FILIP1L: variants seen among roughly 807,000 people sequenced by gnomAD.
FILIP1L encodes the protein filamin A-interacting protein 1-like.
In FILIP1L, 55 loss-of-function variants were observed where a neutral mutation model predicts 96.6. The ratio of observed to expected loss-of-function variants is 0.57; its 90% CI spans 0.46 to 0.71. The LOEUF is 0.71. FILIP1L is among the 30% of genes least tolerant of loss of function. The pLI is 0.00. For synonymous variants in FILIP1L, 467 were observed against 473.9 expected, an observed-to-expected ratio of 0.99 and a Z score of 0.19; for missense variants, 1,304 against 1,321.2, an observed-to-expected ratio of 0.99 and a Z score of 0.20.
chr3:99,848,994 T>G lies in FILIP1L; in HGVS notation c.2682A>C (p.Leu894=). The part of the protein sequence containing the change: ...ANFVQPGDLV[L]SHTPGQPLHI... ...GAAGTGGCTGCCCAGGTGTGTGGCT[T>G]AGGACTAGATCTCCAGGTTGCACAA... The change falls in exon 5 of 6, where the codon CTA becomes CTC. Residue 894 remains leucine, a synonymous_variant. Coordinates refer to ENST00000477258, the MANE Select transcript of FILIP1L (RefSeq NM_001387850.1). 1 of 1,614,122 alleles carries G rather than the reference T, an allele frequency of 6.2e-7. No homozygotes were observed. The highest frequency in any genetic ancestry group is 8.5e-7 in the Non-Finnish European group (1 of 1,180,004).
intron 5 of FILIP1L, chr3:99,833,239 T>G: frequency 1.9e-6 from 3 of 1,612,486 alleles, no homozygotes; most frequent in Non-Finnish European, 2.5e-6. Flanking sequence ...TTGAGTTCAA[T>G]GAGGCAGAAG....
chr3:99,871,391 C>T (rs1313135673), intron 4 of FILIP1L, among the ~76,000 whole-genome samples: 3 of 152,196 alleles, frequency 2.0e-5, no homozygotes, highest in Non-Finnish European at 4.4e-5. Context: ...CCCAGCAACA[C>T]ACCTACTAAT....
chr3:99,970,892 G>A (rs1338698838), intron 1 of FILIP1L, among the ~76,000 whole-genome samples: 1 of 152,260 alleles, frequency 6.6e-6, no homozygotes, highest in Non-Finnish European at 1.5e-5. Context: ...AAGGGAAAAA[G>A]ACTAGAGGTG....
intron 4 of FILIP1L, among the ~76,000 whole-genome samples, chr3:99,923,377 A>G (rs1326185776): frequency 1.3e-5 from 2 of 152,094 alleles, no homozygotes; most frequent in African/African-American, 4.8e-5. Flanking sequence ...TCTCCTACCT[A>G]CTCACCAAGT....
intron 4 of FILIP1L, among the ~76,000 whole-genome samples, chr3:99,870,973 C>G (rs994324195): frequency 1.3e-5 from 2 of 152,140 alleles, no homozygotes; most frequent in East Asian, 1.9e-4. Flanking sequence ...TCCATGCCCC[C>G]GGGTGACTCA....
At chr3:99,940,128 C>G (rs1707809709) in intron 1 of FILIP1L, among the ~76,000 whole-genome samples, 1 of 152,114 alleles carries the variant, frequency 6.6e-6, no homozygotes, top group Non-Finnish European at 1.5e-5. Context: ...GTGATTTATC[C>G]AAGTTTTCCA....
At chr3:100,099,064 A>G (rs1030132096) in intron 1 of FILIP1L, among the ~76,000 whole-genome samples, 2 of 152,142 alleles carry the variant, frequency 1.3e-5, no homozygotes, top group Non-Finnish European at 2.9e-5. Context: ...ATTTCTACCA[A>G]TGATCATTTT....
In FILIP1L at chr3:99,880,233, C is replaced by A. The variant is rs568999583; in HGVS notation, c.606-29163G>T. Among the ~76,000 whole-genome samples the A allele has an allele frequency of 3.1e-3, 471 of 151,416 alleles. 4 individuals are homozygous for A. The highest frequency in any genetic ancestry group is 0.011 in the African/African-American group (445 of 41,502). On this transcript the variant is annotated intron_variant, in intron 4 of 5. Coordinates refer to ENST00000477258, the MANE Select transcript of FILIP1L (RefSeq NM_001387850.1). The stretch of plus-strand genomic sequence containing the variant: ...TAATCAACCTCATTTCTTCACTCTT[C>A]TTTCACTCTTCTTTCAGTTCTTTGG...
intron 1 of FILIP1L, among the ~76,000 whole-genome samples, chr3:99,966,721 G>C (rs1302751956): frequency 2.0e-5 from 3 of 152,210 alleles, no homozygotes; most frequent in Non-Finnish European, 4.4e-5. Context: ...TCTAATAAAT[G>C]TAGTGTGTCA....
intron 5 of FILIP1L, among the ~76,000 whole-genome samples, chr3:99,838,334 G>A (rs575357330): frequency 6.6e-6 from 1 of 152,306 alleles, no homozygotes; most frequent in South Asian, 2.1e-4. Flanking sequence ...GGAAGCAGGT[G>A]GAGTTGGAAG....
chr3:99,930,659 G>A (rs1707448690), intron 2 of FILIP1L, 110 bp downstream of exon 2: 2 of 1,176,332 alleles, frequency 1.7e-6, no homozygotes, highest in Non-Finnish European at 2.4e-6. Context: ...TTGCTTTCAT[G>A]TACACACATG....
rs560928329 is a variant in FILIP1L, at chr3:99,842,558, C to A, written c.3381+5737G>T. 5.7e-4 allele frequency among the ~76,000 whole-genome samples: 85 copies of A among 149,392 alleles called. 1 individual carries two copies. The highest frequency in any genetic ancestry group is 7.1e-3 in the Middle Eastern group (2 of 280). On this transcript the variant is annotated intron_variant, in intron 5 of 5. Coordinates refer to ENST00000477258, the MANE Select transcript of FILIP1L (RefSeq NM_001387850.1). ...TAACCCCTCAAATATCATACCAGGA[C>A]CATTTGGCTATGAGGAGGAAGAAGA...
intron 4 of FILIP1L, among the ~76,000 whole-genome samples, chr3:99,856,088 T>G (rs571838245): frequency 4.6e-4 from 70 of 151,912 alleles, no homozygotes; most frequent in African/African-American, 1.6e-3. Context: ...CTGTTGCTGC[T>G]GCTGCTCTTG....
At chr3:100,112,335 A>C (rs1202102929) in intron 1 of FILIP1L, among the ~76,000 whole-genome samples, 1 of 152,194 alleles carries the variant, frequency 6.6e-6, no homozygotes, top group Admixed American at 6.5e-5. Context: ...AGCCCATTAC[A>C]TTTAGGTTTT....
chr3:99,915,246 A>C (rs1024965620), intron 4 of FILIP1L, among the ~76,000 whole-genome samples: 1 of 152,234 alleles, frequency 6.6e-6, no homozygotes, highest in African/African-American at 2.4e-5. Context: ...AATGGAAAAT[A>C]ATAGATTAAA....
chr3:100,089,846 C>T (rs2066072966), intron 1 of FILIP1L, among the ~76,000 whole-genome samples: 1 of 152,098 alleles, frequency 6.6e-6, no homozygotes, highest in Admixed American at 6.5e-5. Context: ...CCATTTTTGC[C>T]ACCTACTAGT....
chr3:99,894,291 G>T (rs1445232551), intron 4 of FILIP1L, among the ~76,000 whole-genome samples: 2 of 152,200 alleles, frequency 1.3e-5, no homozygotes, highest in Admixed American at 6.5e-5. Flanking sequence ...AAGAGAAGGT[G>T]GCACTTAGGA....
At chr3:99,927,878 C>T (rs913968388) in intron 3 of FILIP1L, among the ~76,000 whole-genome samples, 1 of 152,126 alleles carries the variant, frequency 6.6e-6, no homozygotes, top group African/African-American at 2.4e-5. Flanking sequence ...CACAGGCTTC[C>T]ACCAGTTTTT....
chr3:99,964,850 A>C (rs2107708325), intron 1 of FILIP1L, among the ~76,000 whole-genome samples: 1 of 152,256 alleles, frequency 6.6e-6, no homozygotes, highest in African/African-American at 2.4e-5. Context: ...GTAACTGTGG[A>C]AAAACTCTTT....
Sources: allele counts gnomAD v4.1 joint callset (sites outside exome capture counted in the v4.1 genomes callset), GRCh38; gene constraint gnomAD v4.1.1; transcripts MANE v1.5; gene names NCBI Gene and HGNC (gene_info 2026-07-23, HGNC 2026-07-21).